Variants in CCDC126 observed in about 807,000 individuals in gnomAD.
CCDC126 encodes coiled-coil domain-containing protein 126.
A neutral mutation model predicts 11.7 loss-of-function variants in CCDC126; 5 were observed. The observed-to-expected ratio is 0.43, with a 90% CI of 0.22 to 0.90. The LOEUF (loss-of-function observed/expected upper bound fraction) is 0.90, where lower values mean the gene tolerates loss of function less well. CCDC126 is among the 40% of genes least tolerant of loss of function. The probability of loss-of-function intolerance (pLI) is 0.27; values close to 1 mark genes in which losing one functional copy is unlikely to be tolerated. For synonymous variants in CCDC126, 60 were observed against 61.9 expected, an observed-to-expected ratio of 0.97 and a Z score of 0.14; for missense variants, 150 against 163.1, an observed-to-expected ratio of 0.92 and a Z score of 0.44.
Position 23,642,995 on chromosome 7 carries a change from G to C in CCDC126, c.303G>C (p.Glu101Asp), listed in dbSNP as rs888562710. The C allele has an allele frequency of 6.8e-6, 11 of 1,614,000 alleles. No individual in the cohort carries two copies. The highest frequency in any genetic ancestry group is 9.3e-6 in the Non-Finnish European group (11 of 1,179,996). The change falls in exon 4 of 4, where the codon GAG (glutamate) becomes GAC (aspartate). Residue 101 changes from glutamate to aspartate, a missense_variant. Glu to Asp is a conservative substitution (Grantham distance 45, BLOSUM62 2). Transcript: ENST00000307471. ...DDILQRLVKLENKVDYIVVNG... is the reference protein window; with the variant it reads ...DDILQRLVKLDNKVDYIVVNG... ...TTTTGCAACGATTGGTGAAGCTGGA[G>C]AACAAAGTTGACTATATTGTTGTGA...
intron 3 of CCDC126, among the ~76,000 whole-genome samples, chr7:23,629,991 G>A (rs182458054): frequency 6.6e-6 from 1 of 152,014 alleles, no homozygotes; most frequent in East Asian, 1.9e-4. Flanking sequence ...ACCCCAATCG[G>A]GATAAACCCA....
intron 3 of CCDC126, among the ~76,000 whole-genome samples, chr7:23,622,061 G>A (rs758339751): frequency 2.0e-5 from 3 of 152,234 alleles, no homozygotes; most frequent in Middle Eastern, 3.4e-3. Context: ...TTGTGTCTCT[G>A]CCAGGCTTTG....
In CCDC126 at chr7:23,643,274, A is replaced by C; in HGVS notation, c.*159A>C. The C allele has an allele frequency of 1.6e-6, 1 of 636,446 alleles. No homozygotes were observed. The allele number at this position is 636,446 out of a possible 1,614,324, so 39.4% of individuals were successfully genotyped here. A position where few individuals can be genotyped will look rare whatever the true frequency, so the allele number is the denominator to read the frequency against. The stretch of plus-strand genomic sequence containing the variant: ...GATTCATGGAACTCTAATTCTGTAC[A>C]TAAAAATTTTAAAGTTATTTGTTTG... On this transcript the variant is annotated 3_prime_UTR_variant, in exon 4 of 4. Transcript: ENST00000307471.
chr7:23,607,413 G>A (rs891085077), intron 2 of CCDC126, among the ~76,000 whole-genome samples: 1 of 152,162 alleles, frequency 6.6e-6, no homozygotes, highest in Non-Finnish European at 1.5e-5. Context: ...CAAAGTGCAA[G>A]TTCTTCTGTT....
At chr7:23,642,888 A>C in intron 3 of CCDC126, 43 bp from the exon 4 acceptor site, 83 of 1,464,626 alleles carry the variant, frequency 5.7e-5, no homozygotes, top group Non-Finnish European at 7.4e-5. Context: ...ACAAAAATGA[A>C]GAGCTCTATT....
At chr7:23,607,083 G>T (rs1172524462) in intron 2 of CCDC126, among the ~76,000 whole-genome samples, 2 of 152,198 alleles carry the variant, frequency 1.3e-5, no homozygotes, top group Non-Finnish European at 2.9e-5. Flanking sequence ...CGGGGCAACA[G>T]AGCGAGACCC....
At position 23,633,654 on chromosome 7, in the gene CCDC126, G is replaced by C. The variant is rs536606954; in HGVS notation, c.239-9277G>C. On this transcript the variant is annotated intron_variant, in intron 3 of 3. Transcript: ENST00000307471. ...CAAGGAGGGAGGATCACTTAAGATC[G>C]GGAGTTCGATACCAGCCTGGCAACA... 1.1e-4 allele frequency among the ~76,000 whole-genome samples: 16 copies of C among 152,106 alleles called. No individual in the cohort carries two copies. The East Asian group carries it at 3.1e-3, about 30-fold the overall frequency.
At chr7:23,627,567 C>G (rs922216028) in intron 3 of CCDC126, among the ~76,000 whole-genome samples, 2 of 140,110 alleles carry the variant, frequency 1.4e-5, no homozygotes, top group South Asian at 4.6e-4. Flanking sequence ...GACTCTGTCT[C>G]AGAAAAAAAA....
intron 3 of CCDC126, among the ~76,000 whole-genome samples, chr7:23,613,045 T>C (rs1782743063): frequency 6.6e-6 from 1 of 152,138 alleles, no homozygotes; most frequent in Non-Finnish European, 1.5e-5. Context: ...GCACAGTGGC[T>C]CACATCTGTA....
intron 3 of CCDC126, among the ~76,000 whole-genome samples, chr7:23,613,940 T>C (rs912154718): frequency 6.6e-6 from 1 of 152,236 alleles, no homozygotes; most frequent in Non-Finnish European, 1.5e-5. Context: ...TGCTAAAATA[T>C]GCCAAAAATC....
At chr7:23,642,904 TA>T (rs1357523429) in intron 3 of CCDC126, 26 bp from the exon 4 acceptor site, 1 of 1,598,254 alleles carries the variant, frequency 6.3e-7, no homozygotes, top group African/African-American at 1.3e-5. Flanking sequence ...CTATTAATGT[TA>T]ATTTTATTCT....
At chr7:23,634,400 A>T (rs1391665803) in intron 3 of CCDC126, among the ~76,000 whole-genome samples, 1 of 152,228 alleles carries the variant, frequency 6.6e-6, no homozygotes, top group Admixed American at 6.5e-5. Context: ...GGCTGCAGTG[A>T]GCCATGATTG....
At chr7:23,642,188 A>G (rs992431779) in intron 3 of CCDC126, among the ~76,000 whole-genome samples, 7 of 151,604 alleles carry the variant, frequency 4.6e-5, no homozygotes, top group Admixed American at 4.6e-4. Context: ...ATTTTTTTAT[A>G]TTTTTAGTAG....
intron 3 of CCDC126, among the ~76,000 whole-genome samples, chr7:23,625,618 C>T (rs1426840094): frequency 2.8e-5 from 4 of 143,058 alleles, no homozygotes; most frequent in East Asian, 2.0e-4. Context: ...AATTTTTCTG[C>T]TGGGAAATTT....
Position 23,644,125 on chromosome 7 carries a change from T to A in CCDC126, c.*1010T>A, listed in dbSNP as rs1417701596. On this transcript the variant is annotated 3_prime_UTR_variant, in exon 4 of 4. Coordinates refer to ENST00000307471, the MANE Select transcript of CCDC126 (RefSeq NM_138771.4). Reference sequence around the variant, plus strand: ...ATGTTAACATTATATTATATAAGAGTATCCTTTATGAAATTTTGAATTTGT... The same window carrying A: ...ATGTTAACATTATATTATATAAGAGAATCCTTTATGAAATTTTGAATTTGT... 1 of 151,966 alleles carries A rather than the reference T, an allele frequency of 6.6e-6. No homozygotes were observed. Among genetic ancestry groups the A allele is most frequent in the Non-Finnish European group, 1.5e-5 (1 of 67,948 alleles). The allele number at this position is 151,966 out of a possible 1,614,324, so 9.4% of individuals were successfully genotyped here.
At chr7:23,628,290 C>T (rs190555960) in intron 3 of CCDC126, among the ~76,000 whole-genome samples, 47 of 152,264 alleles carry the variant, frequency 3.1e-4, no homozygotes, top group Middle Eastern at 6.8e-3. Context: ...GTCTAGGGAC[C>T]TCAGGAGACC....
chr7:23,609,467 G>A (rs1782670946), intron 2 of CCDC126, among the ~76,000 whole-genome samples: 1 of 152,100 alleles, frequency 6.6e-6, no homozygotes, highest in South Asian at 2.1e-4. Context: ...CACCATGCCT[G>A]GACAATTTCT....
intron 3 of CCDC126, among the ~76,000 whole-genome samples, chr7:23,641,596 C>A (rs557127569): frequency 6.6e-5 from 10 of 152,124 alleles, no homozygotes; most frequent in Non-Finnish European, 1.3e-4. Context: ...TAGATGATTT[C>A]TCTCCTGGTG....
chr7:23,631,710 G>C (rs191600045), intron 3 of CCDC126, among the ~76,000 whole-genome samples: 8 of 151,952 alleles, frequency 5.3e-5, no homozygotes, highest in Non-Finnish European at 1.2e-4. Flanking sequence ...GCAGTGAGCA[G>C]AGATGGAGCC....
Sources: gnomAD v4.1 joint callset for allele counts (sites outside exome capture counted in the v4.1 genomes callset) on GRCh38, gnomAD v4.1.1 for gene constraint, MANE v1.5 for transcripts, NCBI Gene and HGNC (gene_info 2026-07-23, HGNC 2026-07-21) for gene names.